Variants in TRPC4 observed in about 807,000 individuals in gnomAD.
TRPC4 encodes short transient receptor potential channel 4.
TRPC4 carries 49 observed loss-of-function variants against 99.4 expected under a neutral mutation model. The observed-to-expected ratio is 0.49, with a 90% CI of 0.39 to 0.63. TRPC4 has a LOEUF of 0.63. TRPC4 is among the 20% of genes least tolerant of loss of function. The probability of loss-of-function intolerance (pLI) is 0.00; values close to 1 mark genes in which losing one functional copy is unlikely to be tolerated. For missense variants in TRPC4, 898 were observed against 1,152.9 expected, an observed-to-expected ratio of 0.78 and a Z score of 3.20; for synonymous variants, 454 against 425.9, an observed-to-expected ratio of 1.07 and a Z score of -0.81.
chr13:37,712,744 AT>A (rs1410640476), intron 3 of TRPC4, among the ~76,000 whole-genome samples: 1 of 152,174 alleles, frequency 6.6e-6, no homozygotes, highest in East Asian at 1.9e-4. Flanking sequence ...TGGAAAAAGC[AT>A]GTCTAGAGAA....
At chr13:37,677,750 C>G (rs777546195) in intron 4 of TRPC4, among the ~76,000 whole-genome samples, 2 of 151,974 alleles carry the variant, frequency 1.3e-5, no homozygotes, top group Non-Finnish European at 2.9e-5. Context: ...CCAACAGAAC[C>G]AGTAGACAGA....
chr13:37,668,118 T>A (rs1288873816), intron 5 of TRPC4, among the ~76,000 whole-genome samples: 1 of 152,208 alleles, frequency 6.6e-6, no homozygotes, highest in Non-Finnish European at 1.5e-5. Flanking sequence ...TGTAAAGTAA[T>A]CCTTTAGGAA....
rs1044052397 is a variant in TRPC4, at chr13:37,633,349, C to T, written c.*3554G>A. On this transcript the variant is annotated 3_prime_UTR_variant, in exon 11 of 11. Transcript: ENST00000379705. ...TAGGTTGAGTTTTAAGGACACTGAG[C>T]ATGGAAGGCAGCTGTATACACCATA... Among the ~76,000 whole-genome samples, 1 of 152,040 alleles carries T rather than the reference C, an allele frequency of 6.6e-6. No homozygotes were observed.
At chr13:37,654,014 G>A (rs1952136548) in intron 7 of TRPC4, among the ~76,000 whole-genome samples, 1 of 152,030 alleles carries the variant, frequency 6.6e-6, no homozygotes, top group Non-Finnish European at 1.5e-5. Flanking sequence ...CAAATCCTAG[G>A]ACCTACCTAT....
chr13:37,775,718 C>T (rs990465043), intron 2 of TRPC4, among the ~76,000 whole-genome samples: 3 of 151,626 alleles, frequency 2.0e-5, no homozygotes, highest in Admixed American at 6.6e-5. Flanking sequence ...GAGCCTCATC[C>T]TGTATTTTCA....
chr13:37,810,674 A>G (rs1957655652), intron 1 of TRPC4, among the ~76,000 whole-genome samples: 1 of 152,116 alleles, frequency 6.6e-6, no homozygotes, highest in Non-Finnish European at 1.5e-5. Flanking sequence ...GAAAATTAAA[A>G]TCCTCATACA....
At chr13:37,802,276 A>T (rs1485585871) in intron 1 of TRPC4, among the ~76,000 whole-genome samples, 1 of 152,094 alleles carries the variant, frequency 6.6e-6, no homozygotes, top group Non-Finnish European at 1.5e-5. Flanking sequence ...TGAACCACAG[A>T]CTTGATTAGG....
At chr13:37,738,081 A>C (rs1170915644) in intron 3 of TRPC4, among the ~76,000 whole-genome samples, 2 of 152,060 alleles carry the variant, frequency 1.3e-5, no homozygotes, top group Non-Finnish European at 2.9e-5. Flanking sequence ...CTCCATTTTA[A>C]ATAGGATATT....
intron 4 of TRPC4, among the ~76,000 whole-genome samples, chr13:37,675,465 A>T (rs1216975709): frequency 6.6e-6 from 1 of 152,154 alleles, no homozygotes; most frequent in Non-Finnish European, 1.5e-5. Flanking sequence ...CACAGTTACA[A>T]GGAAAATTTC....
intron 1 of TRPC4, among the ~76,000 whole-genome samples, chr13:37,797,299 G>C (rs374971075): frequency 2.0e-5 from 3 of 152,138 alleles, no homozygotes; most frequent in East Asian, 3.8e-4. Flanking sequence ...TAGTTCAACT[G>C]ACTATGGATG....
chr13:37,717,830 C>T (rs763969), intron 3 of TRPC4, among the ~76,000 whole-genome samples: 47,802 of 151,726 alleles, frequency 0.32, 8,892 homozygotes, highest in East Asian at 0.76. Context: ...CCAACCCCCC[C>T]GAAAAGAACA....
At chr13:37,648,235 C>G (rs1352068546) in intron 8 of TRPC4, among the ~76,000 whole-genome samples, 1 of 152,100 alleles carries the variant, frequency 6.6e-6, no homozygotes, top group Admixed American at 6.5e-5. Context: ...GCCGCCGCAC[C>G]CAGCGTTTCT....
At chr13:37,646,619 T>TCTTG (rs1346457833) in intron 8 of TRPC4, among the ~76,000 whole-genome samples, 11 of 152,214 alleles carry the variant, frequency 7.2e-5, no homozygotes, top group Admixed American at 2.0e-4. Flanking sequence ...AAAATTGTGG[T>TCTTG]AGATACCAAT....
chr13:37,745,079 A>T (rs1955698138), intron 3 of TRPC4, among the ~76,000 whole-genome samples: 1 of 152,140 alleles, frequency 6.6e-6, no homozygotes. Context: ...TTAACACTTT[A>T]TAATAAGTAT....
chr13:37,783,451 A>G, intron 1 of TRPC4, 91 bp from the exon 2 acceptor site: 2 of 985,780 alleles, frequency 2.0e-6, no homozygotes, highest in Non-Finnish European at 2.8e-6. Context: ...AGTGATATCA[A>G]TAACAACAAT....
intron 6 of TRPC4, among the ~76,000 whole-genome samples, chr13:37,657,063 C>T (rs1182435759): frequency 1.3e-5 from 2 of 152,126 alleles, no homozygotes; most frequent in Non-Finnish European, 2.9e-5. Flanking sequence ...GCCTAATTGG[C>T]ATTCAGGATG....
intron 3 of TRPC4, among the ~76,000 whole-genome samples, chr13:37,744,848 C>T (rs528066333): frequency 2.6e-5 from 4 of 152,208 alleles, no homozygotes; most frequent in South Asian, 2.1e-4. Flanking sequence ...TGAGAACTCA[C>T]TCAAACACAA....
At chr13:37,694,390 A>G (rs1566102264) in intron 3 of TRPC4, among the ~76,000 whole-genome samples, 1 of 152,192 alleles carries the variant, frequency 6.6e-6, no homozygotes, top group African/African-American at 2.4e-5. Flanking sequence ...TGTTCACTAC[A>G]GTCTAAGTGA....
intron 1 of TRPC4, among the ~76,000 whole-genome samples, chr13:37,865,986 C>T (rs1959717392): frequency 6.6e-6 from 1 of 151,558 alleles, no homozygotes; most frequent in Admixed American, 6.6e-5. Context: ...GCCCATTTTC[C>T]CTCTTTTCTT....
Sources: allele counts gnomAD v4.1 joint callset (sites outside exome capture counted in the v4.1 genomes callset), GRCh38; gene constraint gnomAD v4.1.1; transcripts MANE v1.5; gene names NCBI Gene and HGNC (gene_info 2026-07-23, HGNC 2026-07-21).